UPF1: variants seen among roughly 807,000 people sequenced by gnomAD.
UPF1 encodes regulator of nonsense transcripts 1.
In UPF1, 9 loss-of-function variants were observed where a neutral mutation model predicts 129.2. The ratio of observed to expected loss-of-function variants is 0.07; its 90% confidence interval spans 0.04 to 0.12. The LOEUF is 0.12. Among genes scored for constraint, UPF1 ranks in the 10% least tolerant of loss-of-function variants. The pLI is 1.00. For missense variants in UPF1, 788 were observed against 1,525.3 expected (o/e 0.52, Z 8.05); for synonymous variants, 649 against 644.9 (o/e 1.01, Z -0.10).
At chr19:18,857,161 G>T (rs1014498960) in intron 14 of UPF1, 141 bp downstream of exon 14, 9 of 1,492,430 alleles carry the variant, frequency 6.0e-6, no homozygotes, top group Non-Finnish European at 8.1e-6. Context: ...TTTATAGAGG[G>T]TGGGTTCTGC....
Position 18,832,409 on chromosome 19 carries a change from C to G in UPF1, c.200C>G (p.Ala67Gly), listed in dbSNP as rs893556374. The G allele has an allele frequency of 1.0e-6, 1 of 1,000,080 alleles. No homozygotes were observed. Among genetic ancestry groups the G allele is most frequent in the Non-Finnish European group, 1.2e-6 (1 of 840,696 alleles). 62.0% of individuals were successfully genotyped at this position (1,000,080 alleles called of 1,614,324 possible). A position where few individuals can be genotyped will look rare whatever the true frequency, so the allele number is the denominator to read the frequency against. The part of the protein sequence containing the change: ...GGAGGPGGAG[A>G]GAAAGQLDAQ... ...GCGGGAGGCCCGGGCGGCGCGGGCG[C>G]GGGCGCTGCGGCGGGACAGCTCGAC... The change falls in exon 1 of 24, where the codon GCG becomes GGG. Residue 67 changes from alanine (A) to glycine (G), a missense_variant. Ala to Gly is a moderately conservative substitution (Grantham distance 60). Around this residue, in one of 6 missense-constraint regions of UPF1, gnomAD observed 112 missense variants for 128.2 expected, o/e 0.87. Coordinates refer to ENST00000262803, the MANE Select transcript of UPF1 (RefSeq NM_002911.4). This position sits in a 1 kb window ranked among gnomAD's most constrained non-coding sequence, Gnocchi z 5.6.
chr19:18,865,911 G>T lies in UPF1; in HGVS notation c.3237+133G>T. ...CTGAATTACCTGTCCCTGGGCTGGGGTCATCAGAGTGGGTCTCCTGGGTCT... is the reference window on the plus strand; with the variant it reads ...CTGAATTACCTGTCCCTGGGCTGGGTTCATCAGAGTGGGTCTCCTGGGTCT... On this transcript the variant is annotated intron_variant, in intron 22 of 23. Coordinates refer to ENST00000262803, the MANE Select transcript of UPF1 (RefSeq NM_002911.4). The surrounding 1 kb of genome is among the most constrained non-coding windows in gnomAD (Gnocchi z 6.1). 4 of 1,576,394 alleles carry T rather than the reference G, an allele frequency of 2.5e-6. No homozygotes were observed. The highest frequency in any genetic ancestry group is 2.6e-6 in the Non-Finnish European group (3 of 1,161,684).
chr19:18,857,236 T>G, intron 14 of UPF1, 84 bp from the exon 15 acceptor site: 3 of 1,516,076 alleles, frequency 2.0e-6, no homozygotes, highest in Non-Finnish European at 2.7e-6. Context: ...CTGTGCATCC[T>G]GGGGCCCCTA....
intron 12 of UPF1, 46 bp from the exon 13 acceptor site, chr19:18,856,140 A>T: frequency 6.2e-7 from 1 of 1,607,682 alleles, no homozygotes; most frequent in Non-Finnish European, 8.5e-7. Context: ...TCTGCGGGTG[A>T]CATGTACAGA....
At chr19:18,862,687 C>T (rs2055793633) in intron 18 of UPF1, among the ~76,000 whole-genome samples, 1 of 152,126 alleles carries the variant, frequency 6.6e-6, no homozygotes. Flanking sequence ...AAAAAATGAG[C>T]CGGGCGTGGT....
chr19:18,856,411 A>C (rs572767505), intron 13 of UPF1, 111 bp downstream of exon 13: 1 of 1,047,140 alleles, frequency 9.5e-7, no homozygotes, highest in Non-Finnish European at 1.4e-6. Flanking sequence ...AAGAGAACTT[A>C]GATGCTCTCT....
intron 13 of UPF1, 77 bp from the exon 14 acceptor site, chr19:18,856,800 G>A (rs1182309334): frequency 6.6e-7 from 1 of 1,526,490 alleles, no homozygotes; most frequent in Non-Finnish European, 8.8e-7. Flanking sequence ...GAGCTTCTGT[G>A]TTCTGTCCCA....
Position 18,846,028 on chromosome 19 carries a change from G to GCCA in UPF1, c.281_283dup (p.Ala94_Lys95insThr). On this transcript the variant is annotated inframe_insertion, in exon 2 of 24. Transcript: ENST00000262803. The stretch of plus-strand genomic sequence containing the variant: ...GAACGGGGCTGTGGACGACAGTGTA[G>GCCA]CCAAGACCAGCCAGTTGTTGGCTGA... 1 of 1,614,186 alleles carries GCCA rather than the reference G, an allele frequency of 6.2e-7. No homozygotes were observed. The highest frequency in any genetic ancestry group is 8.5e-7 in the Non-Finnish European group (1 of 1,180,036).
intron 23 of UPF1, 149 bp downstream of exon 23, chr19:18,866,315 GC>G: frequency 3.1e-6 from 4 of 1,286,484 alleles, no homozygotes; most frequent in Non-Finnish European, 4.1e-6. Flanking sequence ...GGCCAGCTTG[GC>G]CTGTGCCCTT....
At chr19:18,844,071 C>T (rs900332852) in intron 1 of UPF1, among the ~76,000 whole-genome samples, 2 of 152,028 alleles carry the variant, frequency 1.3e-5, no homozygotes, top group East Asian at 1.9e-4. Flanking sequence ...CCCTGATGCA[C>T]GGTCTGAGTT....
intron 1 of UPF1, among the ~76,000 whole-genome samples, chr19:18,838,717 G>C (rs1205536427): frequency 6.6e-6 from 1 of 151,880 alleles, no homozygotes; most frequent in African/African-American, 2.4e-5. Context: ...TGTGGTTTTA[G>C]GGTGCCAGAA....
chr19:18,832,929 C>T lies in UPF1; in HGVS notation c.231+489C>T, dbSNP rs1156981532. Among the ~76,000 whole-genome samples the T allele has an allele frequency of 6.6e-6, 1 of 152,200 alleles. No individual in the cohort carries two copies. The highest frequency in any genetic ancestry group is 2.4e-5 in the African/African-American group (1 of 41,436). On this transcript the variant is annotated intron_variant, in intron 1 of 23. Coordinates refer to ENST00000262803, the MANE Select transcript of UPF1 (RefSeq NM_002911.4). The surrounding 1 kb of genome is among the most constrained non-coding windows in gnomAD (Gnocchi z 5.6). The stretch of plus-strand genomic sequence containing the variant: ...GCCCTGGTCCCTCTTTCGCAGGTCT[C>T]GGTATTCTGCCTCGAGTTCTCCTAC...
Position 18,866,184 on chromosome 19 carries a change from A to G in UPF1, c.*3+18A>G. 2 of 1,562,804 alleles carry G rather than the reference A, an allele frequency of 1.3e-6. No homozygotes were observed. Among genetic ancestry groups the G allele is most frequent in the Non-Finnish European group, 1.7e-6 (2 of 1,154,586 alleles). Reference sequence around the variant, plus strand: ...ATTAAAAGGCAAGCCCCCCTGGAGCAGGCCTGGCCCCACCCCAGCCTCAAG... The same window carrying G: ...ATTAAAAGGCAAGCCCCCCTGGAGCGGGCCTGGCCCCACCCCAGCCTCAAG... On this transcript the variant is annotated intron_variant, in intron 23 of 23. Coordinates refer to ENST00000262803, the MANE Select transcript of UPF1 (RefSeq NM_002911.4).
chr19:18,833,995 G>T (rs1486569778), intron 1 of UPF1, among the ~76,000 whole-genome samples: 1 of 152,104 alleles, frequency 6.6e-6, no homozygotes, highest in Non-Finnish European at 1.5e-5. Flanking sequence ...TTTCAGTTTT[G>T]TTTACATTTT....
rs1205108353 is a variant in UPF1, at chr19:18,865,160, C to T, written c.2858-129C>T. Reference sequence around the variant, plus strand: ...TAGTTAACATGGAGTCCTGCGAATCCGCATCTTCAGCCTGGGCAGAGCCAG... The same window carrying T: ...TAGTTAACATGGAGTCCTGCGAATCTGCATCTTCAGCCTGGGCAGAGCCAG... On this transcript the variant is annotated intron_variant, in intron 20 of 23. Coordinates refer to ENST00000262803, the MANE Select transcript of UPF1 (RefSeq NM_002911.4). This position sits in a 1 kb window ranked among gnomAD's most constrained non-coding sequence, Gnocchi z 6.1. 3.5e-5 allele frequency: 43 copies of T among 1,217,552 alleles called. No individual in the cohort carries two copies. Among genetic ancestry groups the T allele is most frequent in the East Asian group, 5.2e-5 (2 of 38,636 alleles). The allele number at this position is 1,217,552 out of a possible 1,614,324, so 75.4% of individuals were successfully genotyped here.
chr19:18,839,878 G>T (rs999594065), intron 1 of UPF1, among the ~76,000 whole-genome samples: 1 of 152,208 alleles, frequency 6.6e-6, no homozygotes, highest in African/African-American at 2.4e-5. Flanking sequence ...AGGAGTAGGA[G>T]TGGGCTCCCC....
rs1197956188 is a variant in UPF1, at chr19:18,851,936, G to C, written c.811-199G>C. Among the ~76,000 whole-genome samples, 1 of 152,250 alleles carries C rather than the reference G, an allele frequency of 6.6e-6. No individual in the cohort carries two copies. The highest frequency in any genetic ancestry group is 2.4e-5 in the African/African-American group (1 of 41,470). On this transcript the variant is annotated intron_variant, in intron 5 of 23. Coordinates refer to ENST00000262803, the MANE Select transcript of UPF1 (RefSeq NM_002911.4). The surrounding 1 kb of genome is among the most constrained non-coding windows in gnomAD (Gnocchi z 4.2). ...CAGGCATGGGCCAGGCCGGTGTGCA[G>C]CTCCCTGTGTGGCATGGAGTTCCCG... is the stretch of plus-strand genomic sequence containing the variant.
At chr19:18,861,867 A>C (rs1028414983) in intron 17 of UPF1, 143 bp from the exon 18 acceptor site, 2 of 1,090,350 alleles carry the variant, frequency 1.8e-6, no homozygotes, top group East Asian at 2.6e-5. Context: ...CAGAGCCAGG[A>C]CAGCCCCTAG....
In UPF1 at chr19:18,849,899, C is replaced by T; in HGVS notation, c.462-176C>T. On this transcript the variant is annotated intron_variant, in intron 3 of 23. Transcript: ENST00000262803. Reference sequence around the variant, plus strand: ...TCAAGTTGGGATTGATTTTTGTGCTCAGTGGGGAGCTAGTTTGGGGGAGGG... The same window carrying T: ...TCAAGTTGGGATTGATTTTTGTGCTTAGTGGGGAGCTAGTTTGGGGGAGGG... 4.3e-6 allele frequency: 3 copies of T among 690,030 alleles called. No homozygotes were observed. The South Asian group carries it at 5.6e-5, about 13-fold the overall frequency. 42.7% of individuals were successfully genotyped at this position (690,030 alleles called of 1,614,324 possible).
Sources: allele counts gnomAD v4.1 joint callset (sites outside exome capture counted in the v4.1 genomes callset), GRCh38; gene constraint gnomAD v4.1.1; regional missense constraint gnomAD v4.1.1; non-coding constraint Gnocchi (gnomAD v3.1); transcripts MANE v1.5; gene names NCBI Gene and HGNC (gene_info 2026-07-23, HGNC 2026-07-21).